MAP7D2: variants seen among roughly 807,000 people sequenced by gnomAD.
MAP7D2 encodes the protein MAP7 domain containing 2, also known as MAP7 domain-containing protein 2.
A neutral mutation model predicts 63.5 loss-of-function variants in MAP7D2; 33 were observed. The observed-to-expected ratio is 0.52, with a 90% CI of 0.39 to 0.70. The LOEUF is 0.70. MAP7D2 is among the 30% of genes least tolerant of loss of function. The probability of loss-of-function intolerance (pLI) is 0.00; values close to 1 mark genes in which losing one functional copy is unlikely to be tolerated. For synonymous variants in MAP7D2, 224 were observed against 223.7 expected (o/e 1.00, Z -0.01); for missense variants, 626 against 604.0 (o/e 1.04, Z -0.38).
In MAP7D2 at chrX:20,109,377, G is replaced by A. The variant is rs757049603; in HGVS notation, c.130+7373C>T. Among the ~76,000 whole-genome samples the A allele has an allele frequency of 5.5e-5, 6 of 108,679 alleles. No individual in the cohort carries two copies. In the East Asian group the frequency reaches 8.7e-4, roughly 16 times the overall value. 94.4% of individuals were successfully genotyped at this position (108,679 alleles called of 115,157 possible). A position where few individuals can be genotyped will look rare whatever the true frequency, so the allele number is the denominator to read the frequency against. On this transcript the variant is annotated intron_variant, in intron 1 of 16. Transcript: ENST00000379643. The stretch of plus-strand genomic sequence containing the variant: ...TTTACTAAAAGTACAAAAATTAGCC[G>A]GGCATGGTGGTGCACGCCTGTAGTC...
chrX:20,112,079 T>C (rs1329007552), intron 1 of MAP7D2, among the ~76,000 whole-genome samples: 1 of 112,118 alleles, frequency 8.9e-6, no homozygotes, highest in Non-Finnish European at 1.9e-5. Context: ...GCCATAAAGC[T>C]GTTATTACAG....
intron 3 of MAP7D2, among the ~76,000 whole-genome samples, chrX:20,061,770 G>C (rs2065231171): frequency 8.9e-6 from 1 of 112,630 alleles, no homozygotes; most frequent in Non-Finnish European, 1.9e-5. Context: ...ATTATAAACA[G>C]AAATTGCCTC....
At chrX:20,093,666 T>A (rs1368632636) in intron 1 of MAP7D2, among the ~76,000 whole-genome samples, 7 of 109,201 alleles carry the variant, frequency 6.4e-5, no homozygotes, top group African/African-American at 1.7e-4. Context: ...CAAAAAAAAA[T>A]AAAAATAAAA....
At position 20,082,101 on chromosome X, in the gene MAP7D2, G is replaced by A. The variant is rs768005863; in HGVS notation, c.131-17296C>T. ...CACTGAGTCCAGAGGCCACTGACAA[G>A]GCTACTGAAGAGCAATGCAAGTCAT... On this transcript the variant is annotated intron_variant, in intron 1 of 16. Transcript: ENST00000379643. Among the ~76,000 whole-genome samples, 9 of 112,341 alleles carry A rather than the reference G, an allele frequency of 8.0e-5. 1 individual carries two copies. The South Asian group carries it at 3.3e-3, about 41-fold the overall frequency.
intron 8 of MAP7D2, among the ~76,000 whole-genome samples, chrX:20,029,756 C>T (rs1458328701): frequency 9.2e-6 from 1 of 108,700 alleles, no homozygotes; most frequent in African/African-American, 3.4e-5. Context: ...ACAAACATGA[C>T]CTTCAAATTA....
At chrX:20,008,914 G>A (rs2073088875) in intron 16 of MAP7D2, among the ~76,000 whole-genome samples, 1 of 112,076 alleles carries the variant, frequency 8.9e-6, no homozygotes, top group Admixed American at 9.5e-5. Context: ...AAATTTTGTG[G>A]ATTCTCTGTT....
In MAP7D2 at chrX:20,088,468, GTTTTTTTTTTTTTTTTTTTT is replaced by G. The variant is rs779366726; in HGVS notation, c.131-23683_131-23664del. 5.2e-3 allele frequency among the ~76,000 whole-genome samples: 212 copies of G among 41,066 alleles called. 2 individuals are homozygous for G. Among genetic ancestry groups the G allele is most frequent in the South Asian group, 9.1e-3 (3 of 328 alleles). The allele number at this position is 41,066 out of a possible 115,157, so 35.7% of individuals were successfully genotyped here. ...CCCCACCACACCCAGCTAATTTTCA[GTTTTTTTTTTTTTTTTTTTT>G]TTTTTTTTTTTTTTTTTGCAGAGAC... On this transcript the variant is annotated intron_variant, in intron 1 of 16. Coordinates refer to ENST00000379643, the MANE Select transcript of MAP7D2 (RefSeq NM_001168465.2).
intron 5 of MAP7D2, 22 bp downstream of exon 5, chrX:20,052,856 C>A (rs1444678218): frequency 1.3e-5 from 15 of 1,111,575 alleles, no homozygotes; most frequent in Non-Finnish European, 1.6e-5. Context: ...ACTAGAGAGA[C>A]CAAGTCTACA....
intron 1 of MAP7D2, among the ~76,000 whole-genome samples, chrX:20,103,504 G>C (rs186010494): frequency 8.9e-6 from 1 of 111,745 alleles, no homozygotes; most frequent in African/African-American, 3.2e-5. Context: ...TGAATGACAA[G>C]TGCCAAATAT....
intron 16 of MAP7D2, among the ~76,000 whole-genome samples, chrX:20,009,703 T>C (rs1158084184): frequency 1.2e-5 from 1 of 81,521 alleles, no homozygotes; most frequent in East Asian, 3.5e-4. Flanking sequence ...CTAAAATGGA[T>C]AAATGGATGC....
intron 8 of MAP7D2, among the ~76,000 whole-genome samples, chrX:20,028,932 G>A (rs1352923150): frequency 1.8e-5 from 2 of 111,930 alleles, no homozygotes; most frequent in East Asian, 5.6e-4. Flanking sequence ...AGGACTTTCT[G>A]GCATTGGAAG....
chrX:20,053,557 T>C (rs2065001524), intron 4 of MAP7D2, among the ~76,000 whole-genome samples: 1 of 111,617 alleles, frequency 9.0e-6, no homozygotes, highest in African/African-American at 3.3e-5. Flanking sequence ...AATGGTCCTT[T>C]TGCAAATGCT....
At chrX:20,106,195 A>G (rs975253519) in intron 1 of MAP7D2, among the ~76,000 whole-genome samples, 2 of 112,076 alleles carry the variant, frequency 1.8e-5, no homozygotes, top group Non-Finnish European at 3.8e-5. Flanking sequence ...CTTTTCCTCG[A>G]TGACAGCTTA....
At chrX:20,089,208 C>T (rs949530710) in intron 1 of MAP7D2, among the ~76,000 whole-genome samples, 1 of 112,093 alleles carries the variant, frequency 8.9e-6, no homozygotes, top group African/African-American at 3.2e-5. Context: ...GTTGTTCCAG[C>T]ACCATTTGCT....
chrX:20,042,561 C>G lies in MAP7D2; in HGVS notation c.948G>C (p.Leu316=). The G allele has an allele frequency of 8.3e-7, 1 of 1,211,569 alleles. No homozygotes were observed. The highest frequency in any genetic ancestry group is 1.1e-6 in the Non-Finnish European group (1 of 895,265). The change falls in exon 8 of 17, where the codon CTG becomes CTC. Residue 316 remains leucine (L), a synonymous_variant. Coordinates refer to ENST00000379643, the MANE Select transcript of MAP7D2 (RefSeq NM_001168465.2). ...TGCCTCCAGAAAACTCACATCTTCTCAGAGGGGACCCGAAGTTCACAACAG... is the reference window on the plus strand; with the variant it reads ...TGCCTCCAGAAAACTCACATCTTCTGAGAGGGGACCCGAAGTTCACAACAG... ...SLPVVNFGSP[L]RRCEFSGGIP...
intron 1 of MAP7D2, among the ~76,000 whole-genome samples, chrX:20,112,570 G>A (rs2066774674): frequency 9.0e-6 from 1 of 110,960 alleles, no homozygotes; most frequent in African/African-American, 3.3e-5. Context: ...ATTTAAATGC[G>A]GCCGACTCAG....
chrX:20,113,542 C>T (rs1039917156), intron 1 of MAP7D2, among the ~76,000 whole-genome samples: 2 of 112,349 alleles, frequency 1.8e-5, no homozygotes, highest in Non-Finnish European at 3.8e-5. Context: ...CCACGCCCAG[C>T]GATCTGAACA....
chrX:20,035,926 A>ATGTGTG (rs59706024), intron 8 of MAP7D2, among the ~76,000 whole-genome samples: 6 of 98,397 alleles, frequency 6.1e-5, no homozygotes, highest in African/African-American at 1.1e-4. Context: ...AAAAATATAT[A>ATGTGTG]TGTGTGTGTG....
chrX:20,027,790 GAC>G (rs1556533287), intron 8 of MAP7D2, among the ~76,000 whole-genome samples: 1,073 of 98,584 alleles, frequency 0.011, 38 homozygotes, highest in African/African-American at 0.042. Flanking sequence ...GAGAGAGAGA[GAC>G]AGAGACAGAC....
Sources: gnomAD v4.1 joint callset for allele counts (sites outside exome capture counted in the v4.1 genomes callset) on GRCh38, gnomAD v4.1.1 for gene constraint, MANE v1.5 for transcripts, NCBI Gene and HGNC (gene_info 2026-07-23, HGNC 2026-07-21) for gene names.